The following MYO7A variants were observed in gnomAD, a reference collection of about 807,000 sequenced individuals.
MYO7A encodes unconventional myosin-VIIa.
In MYO7A, 210 loss-of-function variants were observed where a neutral mutation model predicts 263.8. The ratio of observed to expected loss-of-function variants is 0.80; its 90% CI spans 0.71 to 0.89. MYO7A has a LOEUF of 0.89. Among genes scored for constraint, MYO7A ranks in the 40% least tolerant of loss-of-function variants. The probability of loss-of-function intolerance (pLI) is 0.00; values close to 1 mark genes in which losing one functional copy is unlikely to be tolerated. For synonymous variants in MYO7A, 1,239 were observed against 1,197.3 expected, an observed-to-expected ratio of 1.03 and a Z score of -0.72; for missense variants, 2,820 against 2,968.3, an observed-to-expected ratio of 0.95 and a Z score of 1.16.
Position 77,213,015 on chromosome 11 carries a change from C to G in MYO7A, c.6418C>G (p.Leu2140Val), listed in dbSNP as rs774125413. 8 of 1,583,984 alleles carry G rather than the reference C, an allele frequency of 5.1e-6. No homozygotes were observed. In the African/African-American group the frequency reaches 1.1e-4, roughly 21 times the overall value. Residue 2140 changes from leucine (L) to valine (V), a missense_variant, in exon 47 of 49, where the codon CTC (leucine) becomes GTC (valine). By Grantham distance (32) the Leu-to-Val change is conservative. Coordinates refer to ENST00000409709, the MANE Select transcript of MYO7A (RefSeq NM_000260.4). ...TGCCATCAACAAGTATGGGGTCAGC[C>G]TCATCGATCCCAAAACGAAGGTGAG... ...LIAINKYGVS[L>V]IDPKTKDILT...
chr11:77,164,544 G>A (rs541578910), intron 14 of MYO7A, among the ~76,000 whole-genome samples: 11 of 152,260 alleles, frequency 7.2e-5, no homozygotes, highest in South Asian at 6.2e-4. Context: ...ATCTGATGGC[G>A]GCTCAGATTC....
intron 10 of MYO7A, 107 bp downstream of exon 10, chr11:77,159,630 G>GT: frequency 8.8e-7 from 1 of 1,135,806 alleles, no homozygotes; most frequent in Admixed American, 1.9e-5. Flanking sequence ...GGACCCTCTG[G>GT]TTTGGAGAGT....
chr11:77,187,234 C>T (rs78165722), intron 27 of MYO7A, among the ~76,000 whole-genome samples: 1,877 of 152,202 alleles, frequency 0.012, 18 homozygotes, highest in Non-Finnish European at 0.018. Context: ...GTGACAGAAA[C>T]GGGAAGTGAG....
At chr11:77,188,173 C>T (rs915141444) in intron 27 of MYO7A, among the ~76,000 whole-genome samples, 2 of 152,318 alleles carry the variant, frequency 1.3e-5, no homozygotes, top group Admixed American at 6.5e-5. Flanking sequence ...CAGCCTCTGT[C>T]TCCCCATCTG....
chr11:77,144,225 T>C (rs1951411077), intron 3 of MYO7A, among the ~76,000 whole-genome samples: 1 of 152,154 alleles, frequency 6.6e-6, no homozygotes, highest in Admixed American at 6.5e-5. Context: ...GCAATATCAT[T>C]CCAGAGGCTC....
In MYO7A at chr11:77,161,073, G is replaced by C; in HGVS notation, c.1301G>C (p.Gly434Ala). The part of the protein sequence containing the change: ...QDVKNSRRSI[G>A]LLDIFGFENF... ...GTGAAGAACTCTCGCAGGTCCATCG[G>C]CCTCCTGGACATCTTTGGGTTTGAG... The change falls in exon 12 of 49, where the codon GGC becomes GCC. Residue 434 changes from glycine to alanine, a missense_variant. Coordinates refer to ENST00000409709, the MANE Select transcript of MYO7A (RefSeq NM_000260.4). The C allele has an allele frequency of 6.2e-7, 1 of 1,613,986 alleles. No individual in the cohort carries two copies. The highest frequency in any genetic ancestry group is 8.5e-7 in the Non-Finnish European group (1 of 1,179,888).
chr11:77,191,952 G>A, intron 30 of MYO7A, 99 bp from the exon 31 acceptor site: 2 of 1,078,078 alleles, frequency 1.9e-6, no homozygotes, highest in Non-Finnish European at 2.7e-6. Flanking sequence ...CCCCTCGCTG[G>A]GCCTCCGTTT....
Position 77,213,980 on chromosome 11 carries a change from G to T in MYO7A, c.6558+1G>T, listed in dbSNP as rs1328009205. ...CAAACTGCTCTGCGAGACGTCACTG[G>T]TGAGGGCGCATCCTGCTGGGCCTAG... On this transcript the variant is annotated splice_donor_variant, in intron 48 of 48. Transcript: ENST00000409709. LOFTEE classifies it high-confidence loss of function. 3 of 1,614,054 alleles carry T rather than the reference G, an allele frequency of 1.9e-6. No homozygotes were observed. The highest frequency in any genetic ancestry group is 2.5e-6 in the Non-Finnish European group (3 of 1,179,904).
intron 27 of MYO7A, 115 bp downstream of exon 27, chr11:77,184,830 T>C: frequency 1.3e-6 from 2 of 1,509,772 alleles, no homozygotes; most frequent in East Asian, 2.4e-5. Flanking sequence ...GCTTCGCTGC[T>C]AGCTAGTTGG....
chr11:77,190,965 C>T lies in MYO7A; in HGVS notation c.3924+95C>T, dbSNP rs1183354446. ...GCCACCTACTTGCCGGGGCTATTCACCCTTGAGCACCTCGGTTTCCCCCTG... is the reference window on the plus strand; with the variant it reads ...GCCACCTACTTGCCGGGGCTATTCATCCTTGAGCACCTCGGTTTCCCCCTG... On this transcript the variant is annotated intron_variant, in intron 30 of 48. Coordinates refer to ENST00000409709, the MANE Select transcript of MYO7A (RefSeq NM_000260.4). 3 of 1,329,822 alleles carry T rather than the reference C, an allele frequency of 2.3e-6. No individual in the cohort carries two copies. The African/African-American group carries it at 4.4e-5, about 20-fold the overall frequency. 82.4% of individuals were successfully genotyped at this position (1,329,822 alleles called of 1,614,324 possible).
At chr11:77,147,998 C>A (rs1555055002) in intron 4 of MYO7A, 48 bp downstream of exon 4, 2 of 1,453,990 alleles carry the variant, frequency 1.4e-6, no homozygotes, top group Admixed American at 2.2e-5. Context: ...TCAGGCCCCG[C>A]CCCGCCCACC....
At position 77,159,470 on chromosome 11, in the gene MYO7A, G is replaced by A. The variant is rs781859219; in HGVS notation, c.1027G>A (p.Ala343Thr). Reference sequence around the variant, plus strand: ...AGCACGCACATTTGAAAACCTGGATGCCTGTGAGGTTCTCTTCTCCCCATC... The same window carrying A: ...AGCACGCACATTTGAAAACCTGGATACCTGTGAGGTTCTCTTCTCCCCATC... ...YEARTFENLD[A>T]CEVLFSPSLA... is the part of the protein sequence containing the mutation. The change falls in exon 10 of 49, where the codon GCC (alanine) becomes ACC (threonine). Residue 343 changes from alanine to threonine, a missense_variant. By Grantham distance (58) the Ala-to-Thr change is moderately conservative (BLOSUM62 0). Transcript: ENST00000409709. The A allele has an allele frequency of 6.3e-7, 1 of 1,584,452 alleles. No homozygotes were observed. Among genetic ancestry groups the A allele is most frequent in the East Asian group, 2.3e-5 (1 of 43,582 alleles).
chr11:77,156,150 C>A (rs1555062014), intron 5 of MYO7A, 59 bp downstream of exon 5: 1 of 1,568,094 alleles, frequency 6.4e-7, no homozygotes, highest in Non-Finnish European at 8.7e-7. Context: ...TCCAACTGTG[C>A]GCTCCTGCTG....
rs1555063293 is a variant in MYO7A, at chr11:77,157,004, G to A, written c.735G>A (p.Gln245=). The change falls in exon 7 of 49, where the codon CAG becomes CAA. Residue 245 remains glutamine, a splice_region_variant and synonymous_variant. Transcript: ENST00000409709. ...YLLEKSRVCR[Q]ALDERNYHVF... ...TGGAAAAGTCACGTGTCTGTCGCCAGGTGGGCCTGAGCCCCAGGGATGCAG... is the reference window on the plus strand; with the variant it reads ...TGGAAAAGTCACGTGTCTGTCGCCAAGTGGGCCTGAGCCCCAGGGATGCAG... 1 of 1,612,468 alleles carries A rather than the reference G, an allele frequency of 6.2e-7. No homozygotes were observed. Among genetic ancestry groups the A allele is most frequent in the Non-Finnish European group, 8.5e-7 (1 of 1,179,304 alleles).
intron 27 of MYO7A, among the ~76,000 whole-genome samples, chr11:77,186,684 G>A (rs1428799228): frequency 1.3e-5 from 2 of 152,298 alleles, no homozygotes; most frequent in Middle Eastern, 3.4e-3. Context: ...GGAATGTTGT[G>A]GCTGGTTTGA....
chr11:77,129,663 A>G (rs7121485), intron 1 of MYO7A, among the ~76,000 whole-genome samples: 46,296 of 152,030 alleles, frequency 0.3, 8,150 homozygotes, highest in Middle Eastern at 0.48. Flanking sequence ...CTGACAACAT[A>G]ATGCATATAG....
chr11:77,201,657 G>A lies in MYO7A; in HGVS notation c.5043+19G>A, dbSNP rs1212610304. On this transcript the variant is annotated intron_variant, in intron 36 of 48. Coordinates refer to ENST00000409709, the MANE Select transcript of MYO7A (RefSeq NM_000260.4). Reference sequence around the variant, plus strand: ...GATTGTGGTATGTGGCCTGGGGGTGGCAGATGGGTGGGAGGTGCCATTAGA... The same window carrying A: ...GATTGTGGTATGTGGCCTGGGGGTGACAGATGGGTGGGAGGTGCCATTAGA... The A allele has an allele frequency of 8.1e-6, 13 of 1,608,606 alleles. No homozygotes were observed. The Middle Eastern group carries it at 6.8e-4, about 84-fold the overall frequency.
chr11:77,214,563 C>G (rs1371840540), intron 48 of MYO7A, 44 bp from the exon 49 acceptor site: 13 of 1,421,668 alleles, frequency 9.1e-6, no homozygotes, highest in Non-Finnish European at 1.1e-5. Flanking sequence ...GTGGCTGGCC[C>G]TGTCCCACCG....
At chr11:77,171,414 C>G (rs1227472548) in intron 15 of MYO7A, among the ~76,000 whole-genome samples, 1 of 152,202 alleles carries the variant, frequency 6.6e-6, no homozygotes. Flanking sequence ...GACCACCACC[C>G]TACCGCATTG....
Sources: allele counts gnomAD v4.1 joint callset (sites outside exome capture counted in the v4.1 genomes callset), GRCh38; gene constraint gnomAD v4.1.1; transcripts MANE v1.5; gene names NCBI Gene and HGNC (gene_info 2026-07-23, HGNC 2026-07-21).